Variants in TMEM163 observed in about 807,000 individuals in gnomAD.
The protein encoded by TMEM163 is transmembrane protein 163.
In TMEM163, 17 loss-of-function variants were observed where a neutral mutation model predicts 29.3. The ratio of observed to expected loss-of-function variants is 0.58; its 90% CI spans 0.40 to 0.87. The LOEUF is 0.87. TMEM163 is among the 40% of genes least tolerant of loss of function. TMEM163 has a pLI of 0.00. For synonymous variants in TMEM163, 157 were observed against 160.6 expected (o/e 0.98, Z 0.17); for missense variants, 303 against 381.5 (o/e 0.79, Z 1.71).
chr2:134,538,170 T>C (rs1680581357), intron 4 of TMEM163, among the ~76,000 whole-genome samples: 1 of 152,202 alleles, frequency 6.6e-6, no homozygotes, highest in Non-Finnish European at 1.5e-5. Context: ...AGCTGGGACC[T>C]TTGGGAGGTG....
At chr2:134,644,396 A>G (rs1297785120) in intron 2 of TMEM163, among the ~76,000 whole-genome samples, 2 of 152,198 alleles carry the variant, frequency 1.3e-5, no homozygotes, top group East Asian at 3.8e-4. Context: ...ACCATGGGGT[A>G]TTAGCAAAAG....
chr2:134,674,532 T>G (rs1684070738), intron 2 of TMEM163, among the ~76,000 whole-genome samples: 1 of 150,916 alleles, frequency 6.6e-6, no homozygotes, highest in Non-Finnish European at 1.5e-5. Flanking sequence ...GCTAATTTTT[T>G]GTATTTTAGT....
chr2:134,596,097 G>A (rs1053254365), intron 2 of TMEM163, among the ~76,000 whole-genome samples: 48 of 152,276 alleles, frequency 3.2e-4, no homozygotes, highest in African/African-American at 9.1e-4. Flanking sequence ...CTTTTGCTGC[G>A]CAGAAGCTCT....
At chr2:134,526,008 G>T (rs1680286375) in intron 4 of TMEM163, among the ~76,000 whole-genome samples, 1 of 152,184 alleles carries the variant, frequency 6.6e-6, no homozygotes. Context: ...TTCAGCAGAG[G>T]GTATAGAGAA....
intron 2 of TMEM163, among the ~76,000 whole-genome samples, chr2:134,590,360 G>A (rs1296151693): frequency 6.6e-6 from 1 of 152,060 alleles, no homozygotes; most frequent in Non-Finnish European, 1.5e-5. Flanking sequence ...CACTCTCAGA[G>A]ACCCCAGCTC....
chr2:134,548,933 A>G (rs1432629700), intron 4 of TMEM163, among the ~76,000 whole-genome samples: 1 of 152,174 alleles, frequency 6.6e-6, no homozygotes, highest in African/African-American at 2.4e-5. Flanking sequence ...ATTTGGGAGT[A>G]TTTCAAATTT....
intron 1 of TMEM163, among the ~76,000 whole-genome samples, chr2:134,718,196 C>T (rs1685077240): frequency 6.6e-6 from 1 of 152,250 alleles, no homozygotes; most frequent in African/African-American, 2.4e-5. Context: ...AGACCAGAGG[C>T]CGCCCGAGTC....
At chr2:134,641,950 T>C (rs1683229840) in intron 2 of TMEM163, among the ~76,000 whole-genome samples, 1 of 151,988 alleles carries the variant, frequency 6.6e-6, no homozygotes, top group Admixed American at 6.5e-5. Context: ...TCAGACAAAG[T>C]AGATTTCAGA....
At chr2:134,677,613 ACT>A (rs1173589595) in intron 2 of TMEM163, among the ~76,000 whole-genome samples, 2 of 152,098 alleles carry the variant, frequency 1.3e-5, no homozygotes, top group Non-Finnish European at 2.9e-5. Context: ...GTGTATAAAA[ACT>A]CTATCTATAA....
At chr2:134,682,944 A>T (rs1354244565) in intron 2 of TMEM163, among the ~76,000 whole-genome samples, 3 of 152,198 alleles carry the variant, frequency 2.0e-5, no homozygotes, top group Non-Finnish European at 4.4e-5. Context: ...GCCAAAAGGA[A>T]ATGAGCTATC....
intron 5 of TMEM163, among the ~76,000 whole-genome samples, chr2:134,488,908 T>C (rs138500579): frequency 1.3e-5 from 2 of 152,156 alleles, no homozygotes; most frequent in East Asian, 3.9e-4. Context: ...GGAGAGCAAA[T>C]TAAAATGAGA....
intron 2 of TMEM163, among the ~76,000 whole-genome samples, chr2:134,601,141 AG>A (rs1487362268): frequency 6.6e-6 from 1 of 152,222 alleles, no homozygotes; most frequent in East Asian, 1.9e-4. Flanking sequence ...AATGGAGGAA[AG>A]ATGAATATAT....
At chr2:134,579,183 A>G (rs887932296) in intron 2 of TMEM163, among the ~76,000 whole-genome samples, 1 of 152,208 alleles carries the variant, frequency 6.6e-6, no homozygotes, top group Admixed American at 6.5e-5. Flanking sequence ...AGACACTTTT[A>G]TATCTACAAA....
intron 4 of TMEM163, among the ~76,000 whole-genome samples, chr2:134,540,278 C>T (rs183725267): frequency 9.5e-4 from 145 of 152,354 alleles, no homozygotes; most frequent in African/African-American, 3.3e-3. Context: ...CTGCCATCTG[C>T]CTGGGGACCC....
chr2:134,508,853 T>C (rs1679884820), intron 4 of TMEM163, among the ~76,000 whole-genome samples: 1 of 152,140 alleles, frequency 6.6e-6, no homozygotes, highest in Non-Finnish European at 1.5e-5. Flanking sequence ...TGAGATTGAC[T>C]TGGACCAGGG....
intron 2 of TMEM163, among the ~76,000 whole-genome samples, chr2:134,597,605 G>T (rs1474145553): frequency 1.3e-5 from 2 of 152,162 alleles, no homozygotes; most frequent in Non-Finnish European, 2.9e-5. Context: ...CCAGGCTTTG[G>T]TATCAGGATG....
chr2:134,611,713 G>A (rs913038725), intron 2 of TMEM163, among the ~76,000 whole-genome samples: 2 of 152,152 alleles, frequency 1.3e-5, no homozygotes, highest in Non-Finnish European at 2.9e-5. Context: ...CTTGTAATCC[G>A]GAGGAGACCT....
chr2:134,465,405 C>T (rs1351852979), intron 6 of TMEM163, among the ~76,000 whole-genome samples: 2 of 152,314 alleles, frequency 1.3e-5, no homozygotes, highest in Admixed American at 6.5e-5. Flanking sequence ...TGCCCTTTGA[C>T]GTGACCCCTG....
At chr2:134,656,059 G>T (rs1349298245) in intron 2 of TMEM163, among the ~76,000 whole-genome samples, 1 of 144,754 alleles carries the variant, frequency 6.9e-6, no homozygotes, top group Non-Finnish European at 1.5e-5. Flanking sequence ...GCCTCCTTGA[G>T]CTGTGGTGGG....
Sources: gnomAD v4.1 joint callset for allele counts (sites outside exome capture counted in the v4.1 genomes callset) on GRCh38, gnomAD v4.1.1 for gene constraint, MANE v1.5 for transcripts, NCBI Gene and HGNC (gene_info 2026-07-23, HGNC 2026-07-21) for gene names.